GPR155: variants seen among roughly 807,000 people sequenced by gnomAD.
GPR155 encodes G protein-coupled receptor 155.
In GPR155, 65 loss-of-function variants were observed where a neutral mutation model predicts 93.1. That is an observed-to-expected ratio of 0.70 (90% CI 0.57 to 0.86). GPR155 has a LOEUF of 0.86. Among genes scored for constraint, GPR155 ranks in the 40% least tolerant of loss-of-function variants. The pLI, the probability that GPR155 is intolerant of heterozygous loss-of-function variation, is 0.00. For missense variants in GPR155, 838 were observed against 1,034.8 expected, an observed-to-expected ratio of 0.81 and a Z score of 2.61; for synonymous variants, 319 against 360.1, an observed-to-expected ratio of 0.89 and a Z score of 1.29.
intron 10 of GPR155, among the ~76,000 whole-genome samples, chr2:174,454,329 G>A (rs1687424322): frequency 1.3e-5 from 2 of 152,034 alleles, no homozygotes; most frequent in African/African-American, 4.8e-5. Context: ...TAGAGACAGG[G>A]TTTCACCATG....
Position 174,433,207 on chromosome 2 carries a change from A to T in GPR155, c.*2909T>A, listed in dbSNP as rs1574683679. The T allele has an allele frequency of 6.6e-6, 1 of 152,240 alleles. No individual in the cohort carries two copies. Among genetic ancestry groups the T allele is most frequent in the African/African-American group, 2.4e-5 (1 of 41,470 alleles). The allele number at this position is 152,240 out of a possible 1,614,324, so 9.4% of individuals were successfully genotyped here. A position where few individuals can be genotyped will look rare whatever the true frequency, so the allele number is the denominator to read the frequency against. On this transcript the variant is annotated 3_prime_UTR_variant, in exon 16 of 16. Transcript: ENST00000392552. Reference sequence around the variant, plus strand: ...ATATCTGAAACGTTTAAAATAAGTTAAACTAGCACTGACATCTAATAATTA... The same window carrying T: ...ATATCTGAAACGTTTAAAATAAGTTTAACTAGCACTGACATCTAATAATTA...
At chr2:174,464,719 A>G (rs1423923240) in intron 7 of GPR155, among the ~76,000 whole-genome samples, 3 of 151,966 alleles carry the variant, frequency 2.0e-5, no homozygotes, top group Non-Finnish European at 4.4e-5. Flanking sequence ...CGATATTTTG[A>G]AATATAAAGT....
At position 174,461,482 on chromosome 2, in the gene GPR155, G is replaced by C. The variant is rs1226941861; in HGVS notation, c.1480C>G (p.Leu494Val). 3 of 1,611,570 alleles carry C rather than the reference G, an allele frequency of 1.9e-6. No individual in the cohort carries two copies. Among genetic ancestry groups the C allele is most frequent in the Non-Finnish European group, 2.5e-6 (3 of 1,177,742 alleles). The change falls in exon 9 of 16, where the codon CTC (leucine) becomes GTC (valine). Residue 494 changes from leucine to valine, a missense_variant. Physicochemically the swap from Leu to Val is conservative, Grantham distance 32. Coordinates refer to ENST00000392552, the MANE Select transcript of GPR155 (RefSeq NM_152529.7). ...GTTATCAAAAGAACACCAACAAGGA[G>C]AGCAGGAATTCTGTAATCACAAGTG... ...IIISGWGIPALLVGVLLITGK... is the reference protein window; with the variant it reads ...IIISGWGIPAVLVGVLLITGK...
intron 15 of GPR155, among the ~76,000 whole-genome samples, chr2:174,436,972 T>C (rs1038488060): frequency 6.6e-6 from 1 of 152,204 alleles, no homozygotes; most frequent in Non-Finnish European, 1.5e-5. Context: ...CCTACTGATA[T>C]GTTTGTCAGA....
intron 3 of GPR155, among the ~76,000 whole-genome samples, chr2:174,471,997 C>A (rs1207661824): frequency 1.3e-5 from 2 of 152,028 alleles, no homozygotes; most frequent in Admixed American, 1.3e-4. Flanking sequence ...GAGGGGAATT[C>A]CATAGTTAAG....
chr2:174,448,688 C>A (rs1190792167), intron 11 of GPR155, among the ~76,000 whole-genome samples: 2 of 151,222 alleles, frequency 1.3e-5, no homozygotes. Context: ...CAGGCACCCG[C>A]CACTGCGCCC....
intron 9 of GPR155, 26 bp downstream of exon 9, chr2:174,461,376 C>T (rs1350680680): frequency 8.5e-6 from 12 of 1,409,132 alleles, no homozygotes; most frequent in Non-Finnish European, 1.2e-5. Context: ...TTCTCAAGAA[C>T]AGAACTGCCA....
At chr2:174,470,629 A>T in intron 3 of GPR155, 74 bp from the exon 4 acceptor site, 1 of 1,390,458 alleles carries the variant, frequency 7.2e-7, no homozygotes, top group Non-Finnish European at 9.9e-7. Flanking sequence ...TGCTCTGGTG[A>T]ATTTGGCATC....
chr2:174,439,315 T>C (rs1686884025), intron 15 of GPR155, among the ~76,000 whole-genome samples: 2 of 152,164 alleles, frequency 1.3e-5, no homozygotes, highest in Admixed American at 1.3e-4. Flanking sequence ...AGTTCATAAT[T>C]TCCTGCTGTA....
rs1686735965 is a variant in GPR155 at position 174,435,057 on chromosome 2, C to T, written c.*1059G>A. On this transcript the variant is annotated 3_prime_UTR_variant, in exon 16 of 16. Transcript: ENST00000392552. Reference sequence around the variant, plus strand: ...ATATAAAGTTGTCATAATTTAAGGTCCATCTCCTGCTAGTAATACACTTGC... The same window carrying T: ...ATATAAAGTTGTCATAATTTAAGGTTCATCTCCTGCTAGTAATACACTTGC... 1 of 152,118 alleles carries T rather than the reference C, an allele frequency of 6.6e-6. No homozygotes were observed. Among genetic ancestry groups the T allele is most frequent in the African/African-American group, 2.4e-5 (1 of 41,432 alleles). 9.4% of individuals were successfully genotyped at this position (152,118 alleles called of 1,614,324 possible).
chr2:174,453,312 G>A (rs914031392), intron 11 of GPR155, among the ~76,000 whole-genome samples: 6 of 152,122 alleles, frequency 3.9e-5, no homozygotes, highest in South Asian at 4.1e-4. Context: ...CTATATTCTT[G>A]ATGTTTGTAA....
At chr2:174,480,927 A>G (rs1688300205) in intron 2 of GPR155, among the ~76,000 whole-genome samples, 1 of 152,080 alleles carries the variant, frequency 6.6e-6, no homozygotes, top group African/African-American at 2.4e-5. Flanking sequence ...GTGCCACCAC[A>G]GCTGACTAAT....
intron 4 of GPR155, among the ~76,000 whole-genome samples, chr2:174,469,340 T>C (rs1687928806): frequency 6.6e-6 from 1 of 152,188 alleles, no homozygotes; most frequent in South Asian, 2.1e-4. Flanking sequence ...TGGTTAGTTA[T>C]CCTCTAAGTT....
intron 12 of GPR155, 24 bp from the exon 13 acceptor site, chr2:174,445,200 A>G (rs1687083137): frequency 1.6e-6 from 2 of 1,219,622 alleles, no homozygotes; most frequent in Admixed American, 1.7e-5. Context: ...AGAAAAGAGT[A>G]TTTTAAAATC....
In GPR155 at chr2:174,432,276, T is replaced by G. The variant is rs763507211; in HGVS notation, c.*3840A>C. ...AGGTATTTTATTGAGAAACTTGCTT[T>G]GTCAGTGAGAAAGTTAACAGTTACA... On this transcript the variant is annotated 3_prime_UTR_variant, in exon 16 of 16. Transcript: ENST00000392552. 7 of 152,672 alleles carry G rather than the reference T, an allele frequency of 4.6e-5. No homozygotes were observed. The highest frequency in any genetic ancestry group is 1.0e-4 in the Non-Finnish European group (7 of 68,050). The allele number at this position is 152,672 out of a possible 1,614,324, so 9.5% of individuals were successfully genotyped here. A position where few individuals can be genotyped will look rare whatever the true frequency, so the allele number is the denominator to read the frequency against.
chr2:174,446,582 C>A (rs1157092842), intron 12 of GPR155, 29 bp downstream of exon 12: 2 of 1,582,560 alleles, frequency 1.3e-6, no homozygotes, highest in Non-Finnish European at 1.7e-6. Context: ...AAGAAATGGC[C>A]CCAAAACAAA....
chr2:174,449,746 T>C (rs1687261571), intron 11 of GPR155, among the ~76,000 whole-genome samples: 1 of 152,012 alleles, frequency 6.6e-6, no homozygotes, highest in Non-Finnish European at 1.5e-5. Context: ...GAGGCTGAGG[T>C]GGGCAGATCA....
chr2:174,484,369 G>A (rs551233127), intron 1 of GPR155, among the ~76,000 whole-genome samples: 1 of 152,346 alleles, frequency 6.6e-6, no homozygotes, highest in South Asian at 2.1e-4. Flanking sequence ...TGGAAAGGCA[G>A]TGCTAAACAG....
chr2:174,439,450 G>C (rs2105663513), intron 15 of GPR155, among the ~76,000 whole-genome samples: 1 of 152,236 alleles, frequency 6.6e-6, no homozygotes, highest in Non-Finnish European at 1.5e-5. Context: ...AACTTGAAGT[G>C]AAACATAAGC....
Sources: allele counts gnomAD v4.1 joint callset (sites outside exome capture counted in the v4.1 genomes callset), GRCh38; gene constraint gnomAD v4.1.1; transcripts MANE v1.5; gene names NCBI Gene and HGNC (gene_info 2026-07-23, HGNC 2026-07-21).